The following SCHIP1 variants were observed in gnomAD, a reference collection of about 807,000 sequenced individuals.
SCHIP1 encodes schwannomin-interacting protein 1.
In SCHIP1, 8 loss-of-function variants were observed where a neutral mutation model predicts 29.7. The ratio of observed to expected loss-of-function variants is 0.27; its 90% CI spans 0.16 to 0.49. The LOEUF is 0.49. SCHIP1 is among the 20% of genes least tolerant of loss of function. SCHIP1 has a pLI of 0.99. For missense variants in SCHIP1, 193 were observed against 294.6 expected, an observed-to-expected ratio of 0.66 and a Z score of 2.52; for synonymous variants, 76 against 94.9, an observed-to-expected ratio of 0.80 and a Z score of 1.16.
At chr3:159,569,775 A>G in the SCHIP1 span, among the ~76,000 whole-genome samples, 3 of 151,960 alleles carry the variant, frequency 2.0e-5, no homozygotes, top group Admixed American at 1.3e-4. Flanking sequence ...ACGAATTTAC[A>G]CTCCCACCAA....
chr3:159,415,444 C>G, the SCHIP1 span, among the ~76,000 whole-genome samples: 2 of 152,092 alleles, frequency 1.3e-5, no homozygotes, highest in African/African-American at 2.4e-5. Context: ...TCTTCTTGCT[C>G]CTCCCACCCT....
chr3:159,604,699 C>T, the SCHIP1 span, among the ~76,000 whole-genome samples: 1 of 152,298 alleles, frequency 6.6e-6, no homozygotes, highest in South Asian at 2.1e-4. Flanking sequence ...TATCTAAACA[C>T]AATTTAAAGG....
chr3:159,816,657 G>A, the SCHIP1 span, among the ~76,000 whole-genome samples: 1 of 152,170 alleles, frequency 6.6e-6, no homozygotes, highest in African/African-American at 2.4e-5. Context: ...CTCAAACACT[G>A]TAATGACTTC....
At chr3:159,591,703 G>C in the SCHIP1 span, among the ~76,000 whole-genome samples, 1 of 152,084 alleles carries the variant, frequency 6.6e-6, no homozygotes, top group East Asian at 1.9e-4. Flanking sequence ...TCACTCATAA[G>C]TGGGAGGTGA....
the SCHIP1 span, chr3:159,721,610 G>T: frequency 4.9e-6 from 1 of 203,104 alleles, no homozygotes. Flanking sequence ...ATTTGGAAAG[G>T]ACCACTCAGG....
chr3:159,480,834 C>T, the SCHIP1 span, among the ~76,000 whole-genome samples: 15 of 152,242 alleles, frequency 9.9e-5, no homozygotes, highest in East Asian at 1.5e-3. Context: ...AAATAGGCTT[C>T]GTTTGAGCAA....
the SCHIP1 span, among the ~76,000 whole-genome samples, chr3:159,498,894 A>C: frequency 6.6e-6 from 1 of 152,200 alleles, no homozygotes; most frequent in Non-Finnish European, 1.5e-5. Flanking sequence ...TATTCACCAA[A>C]TATTGTTAAC....
the SCHIP1 span, among the ~76,000 whole-genome samples, chr3:159,361,004 C>T: frequency 1.3e-5 from 2 of 152,150 alleles, no homozygotes; most frequent in Non-Finnish European, 2.9e-5. Context: ...AACATTTGAA[C>T]ATGAACAATG....
chr3:159,353,579 T>C, the SCHIP1 span, among the ~76,000 whole-genome samples: 4 of 152,216 alleles, frequency 2.6e-5, no homozygotes, highest in Non-Finnish European at 4.4e-5. Flanking sequence ...CAAAACTTAC[T>C]TGTCTGTCGT....
At chr3:159,370,275 C>T in the SCHIP1 span, among the ~76,000 whole-genome samples, 1,075 of 152,234 alleles carry the variant, frequency 7.1e-3, 17 homozygotes, top group African/African-American at 0.025. Context: ...CCATGCTGGC[C>T]TCCAACAGAC....
the SCHIP1 span, among the ~76,000 whole-genome samples, chr3:159,534,297 G>A: frequency 4.6e-5 from 7 of 152,244 alleles, no homozygotes; most frequent in South Asian, 2.1e-4. Context: ...CTAGGCAAAT[G>A]TTTATGGTGT....
chr3:159,303,140 G>T, the SCHIP1 span, among the ~76,000 whole-genome samples: 1 of 152,100 alleles, frequency 6.6e-6, no homozygotes, highest in African/African-American at 2.4e-5. Context: ...TGTATGGAAA[G>T]ATATCTAAGA....
chr3:159,738,305 T>C, the SCHIP1 span, among the ~76,000 whole-genome samples: 1 of 151,886 alleles, frequency 6.6e-6, no homozygotes, highest in South Asian at 2.1e-4. Context: ...GTAACCAACA[T>C]AAGCATGTTG....
the SCHIP1 span, among the ~76,000 whole-genome samples, chr3:159,601,530 G>T: frequency 6.6e-6 from 1 of 152,164 alleles, no homozygotes; most frequent in South Asian, 2.1e-4. Flanking sequence ...GTATGCAGAG[G>T]GGGAGGAGGG....
chr3:159,516,497 A>C, the SCHIP1 span, among the ~76,000 whole-genome samples: 9 of 152,110 alleles, frequency 5.9e-5, no homozygotes, highest in East Asian at 1.7e-3. Flanking sequence ...ATCATTTCTC[A>C]TGTCCACTAA....
At chr3:159,697,559 T>C in the SCHIP1 span, among the ~76,000 whole-genome samples, 2 of 152,228 alleles carry the variant, frequency 1.3e-5, no homozygotes, top group African/African-American at 2.4e-5. Context: ...GTAGGTGCTT[T>C]GGTAATTTTA....
chr3:159,894,267 C>T (rs1441748043), intron 6 of SCHIP1: 1 of 152,170 alleles, frequency 6.6e-6, no homozygotes, highest in Non-Finnish European at 1.5e-5. Context: ...TGGAGAAGCC[C>T]TCCCTGACCT....
chr3:159,861,940 A>T lies in SCHIP1; in HGVS notation c.31-4223A>T, dbSNP rs1030639116. Among the ~76,000 whole-genome samples, 2 of 152,180 alleles carry T rather than the reference A, an allele frequency of 1.3e-5. No homozygotes were observed. Among genetic ancestry groups the T allele is most frequent in the African/African-American group, 2.4e-5 (1 of 41,450 alleles). ...TGGAAGACATATTTGCCTTGCAGGT[A>T]TAATTCCTCAGAGAACAAACCGCCC... On this transcript the variant is annotated intron_variant, in intron 1 of 6. Transcript: ENST00000445224. The surrounding 1 kb of genome is among the most constrained non-coding windows in gnomAD (Gnocchi z 4.1).
At chr3:159,665,596 C>T in the SCHIP1 span, among the ~76,000 whole-genome samples, 1 of 149,576 alleles carries the variant, frequency 6.7e-6, no homozygotes, top group South Asian at 2.1e-4. Context: ...AGTCAACACA[C>T]TTTATCAAAT....
Sources: gnomAD v4.1 joint callset for allele counts (sites outside exome capture counted in the v4.1 genomes callset) on GRCh38, gnomAD v4.1.1 for gene constraint, Gnocchi (gnomAD v3.1) non-coding constraint, MANE v1.5 for transcripts, NCBI Gene and HGNC (gene_info 2026-07-23, HGNC 2026-07-21) for gene names.